ATP10A: variants seen among roughly 807,000 people sequenced by gnomAD.
The protein encoded by ATP10A is ATPase phospholipid transporting 10A (putative).
Under a neutral mutation model 147.8 loss-of-function variants are expected in ATP10A, and 111 were observed. That is an observed-to-expected ratio of 0.75 (90% CI 0.64 to 0.88). The LOEUF is 0.88. Among genes scored for constraint, ATP10A ranks in the 40% least tolerant of loss-of-function variants. ATP10A has a pLI of 0.00. For synonymous variants in ATP10A, 875 were observed against 841.6 expected (o/e 1.04, Z -0.69); for missense variants, 1,927 against 1,959.0 (o/e 0.98, Z 0.31).
At chr15:25,743,336 A>G (rs1887670032) in intron 2 of ATP10A, among the ~76,000 whole-genome samples, 1 of 152,246 alleles carries the variant, frequency 6.6e-6, no homozygotes, top group Non-Finnish European at 1.5e-5. Flanking sequence ...TCAAAAGAAA[A>G]GTTATCCAGC....
chr15:25,784,000 C>G (rs1890047341), intron 1 of ATP10A, among the ~76,000 whole-genome samples: 1 of 152,246 alleles, frequency 6.6e-6, no homozygotes, highest in Admixed American at 6.5e-5. Context: ...CCCTTCTGAG[C>G]ACAGACAGGA....
At chr15:25,722,852 C>T (rs1902328950) in intron 6 of ATP10A, among the ~76,000 whole-genome samples, 1 of 152,194 alleles carries the variant, frequency 6.6e-6, no homozygotes, top group African/African-American at 2.4e-5. Context: ...GGGACCCTCC[C>T]CACTCTTTCA....
At chr15:25,862,511 C>T in intron 1 of ATP10A, 137 bp downstream of exon 1, 1 of 1,099,270 alleles carries the variant, frequency 9.1e-7, no homozygotes, top group Non-Finnish European at 1.3e-6. Context: ...CCGGGTCCCG[C>T]GCAGCCGGGC....
intron 1 of ATP10A, among the ~76,000 whole-genome samples, chr15:25,857,019 G>C (rs1893548285): frequency 6.6e-6 from 1 of 152,128 alleles, no homozygotes. Flanking sequence ...GACTAAAAGT[G>C]ACTTAAAAGA....
intron 2 of ATP10A, among the ~76,000 whole-genome samples, chr15:25,750,950 G>A (rs1888125492): frequency 6.6e-6 from 1 of 151,832 alleles, no homozygotes; most frequent in South Asian, 2.1e-4. Context: ...AAGAGAAGAT[G>A]GGAAAACAAC....
At chr15:25,765,575 G>A (rs890002227) in intron 2 of ATP10A, among the ~76,000 whole-genome samples, 2 of 152,140 alleles carry the variant, frequency 1.3e-5, no homozygotes, top group African/African-American at 2.4e-5. Context: ...GGTCACTCCT[G>A]AAGTCCTGGG....
intron 9 of ATP10A, among the ~76,000 whole-genome samples, chr15:25,716,309 G>A (rs1055866643): frequency 5.9e-5 from 9 of 152,074 alleles, no homozygotes; most frequent in African/African-American, 2.2e-4. Flanking sequence ...GTGGATCTGG[G>A]ACCCTGAGGC....
chr15:25,687,576 CGAAGGAG>C, intron 16 of ATP10A, 120 bp downstream of exon 16: 3 of 613,816 alleles, frequency 4.9e-6, no homozygotes, highest in Non-Finnish European at 6.3e-6. Flanking sequence ...ATTACACAGG[CGAAGGAG>C]GATGGAGCAG....
intron 1 of ATP10A, among the ~76,000 whole-genome samples, chr15:25,844,954 G>T (rs1892953323): frequency 6.6e-6 from 1 of 152,190 alleles, no homozygotes; most frequent in South Asian, 2.1e-4. Flanking sequence ...TTATCCAAGG[G>T]GCACAGGCCT....
At chr15:25,813,098 C>G (rs1243091514) in intron 1 of ATP10A, among the ~76,000 whole-genome samples, 1 of 152,172 alleles carries the variant, frequency 6.6e-6, no homozygotes, top group Non-Finnish European at 1.5e-5. Context: ...CTAGTTGTCT[C>G]TGGAGGGTAC....
chr15:25,689,591 G>A (rs1229095351), intron 15 of ATP10A, among the ~76,000 whole-genome samples: 1 of 152,196 alleles, frequency 6.6e-6, no homozygotes, highest in Non-Finnish European at 1.5e-5. Flanking sequence ...TCCCAGTGCT[G>A]GAAAACCCAA....
chr15:25,751,410 G>T (rs913273088), intron 2 of ATP10A, among the ~76,000 whole-genome samples: 7 of 152,074 alleles, frequency 4.6e-5, no homozygotes, highest in African/African-American at 1.7e-4. Context: ...TCATCAACCA[G>T]TGTTACCTGT....
intron 1 of ATP10A, among the ~76,000 whole-genome samples, chr15:25,809,174 G>A (rs541615280): frequency 6.6e-6 from 1 of 152,258 alleles, no homozygotes; most frequent in East Asian, 1.9e-4. Context: ...CTCCCCAGTG[G>A]CCGCAGATGG....
intron 2 of ATP10A, among the ~76,000 whole-genome samples, chr15:25,741,036 G>C (rs1272462410): frequency 6.6e-6 from 1 of 152,164 alleles, no homozygotes; most frequent in South Asian, 2.1e-4. Context: ...GTCTTTTCTG[G>C]AGAAGCCTTC....
intron 2 of ATP10A, among the ~76,000 whole-genome samples, chr15:25,747,830 C>T (rs1596809202): frequency 6.6e-6 from 1 of 152,292 alleles, no homozygotes; most frequent in Non-Finnish European, 1.5e-5. Flanking sequence ...CATTCACTTA[C>T]ATAAACTCTT....
At chr15:25,744,450 C>T (rs1018492434) in intron 2 of ATP10A, among the ~76,000 whole-genome samples, 8 of 152,108 alleles carry the variant, frequency 5.3e-5, no homozygotes, top group African/African-American at 1.7e-4. Flanking sequence ...CAATGTCAGA[C>T]ACAGACTCAG....
At chr15:25,834,186 A>G (rs1892494470) in intron 1 of ATP10A, among the ~76,000 whole-genome samples, 1 of 152,222 alleles carries the variant, frequency 6.6e-6, no homozygotes, top group Admixed American at 6.5e-5. Context: ...AATAATTTAA[A>G]AAGTCTGTGC....
chr15:25,795,330 T>G (rs539975953), intron 1 of ATP10A, among the ~76,000 whole-genome samples: 1 of 152,076 alleles, frequency 6.6e-6, no homozygotes, highest in Non-Finnish European at 1.5e-5. Flanking sequence ...CTGCGCCAAC[T>G]TGGCACCTCC....
intron 10 of ATP10A, 176 bp from the exon 11 acceptor site, chr15:25,708,476 GTTTGA>G: frequency 1.6e-6 from 1 of 613,680 alleles, no homozygotes; most frequent in Admixed American, 3.1e-5. Context: ...TCATCAATAT[GTTTGA>G]CTGTTTTATT....
Sources: gnomAD v4.1 joint callset for allele counts (sites outside exome capture counted in the v4.1 genomes callset) on GRCh38, gnomAD v4.1.1 for gene constraint, MANE v1.5 for transcripts, NCBI Gene and HGNC (gene_info 2026-07-23, HGNC 2026-07-21) for gene names.